PHLPP1: variants seen among roughly 807,000 people sequenced by gnomAD.
The protein encoded by PHLPP1 is PH domain leucine-rich repeat-containing protein phosphatase 1.
A neutral mutation model predicts 117.2 loss-of-function variants in PHLPP1; 42 were observed. The observed-to-expected ratio is 0.36, with a 90% CI of 0.28 to 0.46. The LOEUF (loss-of-function observed/expected upper bound fraction) is 0.46. Ranked by LOEUF, PHLPP1 falls within the 20% of genes least tolerant of loss-of-function variation. The pLI is 1.00. For synonymous variants in PHLPP1, 1,042 were observed against 970.7 expected (o/e 1.07, Z -1.37); for missense variants, 2,084 against 2,241.9 (o/e 0.93, Z 1.42).
At chr18:62,900,429 CTTTCTTTTTTTTT>C (rs1309084942) in intron 6 of PHLPP1, among the ~76,000 whole-genome samples, 1 of 95,854 alleles carries the variant, frequency 1.0e-5, no homozygotes, top group Non-Finnish European at 2.1e-5. Flanking sequence ...TTTTCTTTTT[CTTTCTTTTTTTTT>C]TTTTTTTTTT....
At chr18:62,750,808 C>T (rs2144235757) in intron 1 of PHLPP1, among the ~76,000 whole-genome samples, 1 of 151,798 alleles carries the variant, frequency 6.6e-6, no homozygotes, top group Non-Finnish European at 1.5e-5. Flanking sequence ...AAACTCCCTG[C>T]TTTATTAAGG....
At chr18:62,766,076 AAT>A (rs60058262) in intron 1 of PHLPP1, among the ~76,000 whole-genome samples, 3,347 of 21,624 alleles carry the variant, frequency 0.15, 583 homozygotes, top group Middle Eastern at 0.23. Context: ...AAAAAAAAAA[AAT>A]ATATATATAT....
intron 1 of PHLPP1, among the ~76,000 whole-genome samples, chr18:62,767,538 G>A (rs900695045): frequency 2.0e-5 from 3 of 152,174 alleles, no homozygotes; most frequent in Non-Finnish European, 4.4e-5. Context: ...GTTTTTGAGC[G>A]CTTTAAATGA....
At chr18:62,766,391 G>A (rs1409458473) in intron 1 of PHLPP1, among the ~76,000 whole-genome samples, 1 of 151,758 alleles carries the variant, frequency 6.6e-6, no homozygotes, top group African/African-American at 2.4e-5. Flanking sequence ...CTTCCCTAGG[G>A]GAGGAGAAGT....
At chr18:62,760,141 G>T (rs1335060422) in intron 1 of PHLPP1, among the ~76,000 whole-genome samples, 1 of 152,164 alleles carries the variant, frequency 6.6e-6, no homozygotes, top group Non-Finnish European at 1.5e-5. Context: ...TCAGTGGTGT[G>T]TTTAATTTTT....
chr18:62,895,370 G>A (rs74418352), intron 5 of PHLPP1, among the ~76,000 whole-genome samples: 1,811 of 152,320 alleles, frequency 0.012, 15 homozygotes, highest in Middle Eastern at 0.037. Flanking sequence ...TTCTTGTTTA[G>A]AACTGAAGAT....
At chr18:62,843,453 G>C (rs1915103319) in intron 3 of PHLPP1, among the ~76,000 whole-genome samples, 1 of 151,998 alleles carries the variant, frequency 6.6e-6, no homozygotes, top group African/African-American at 2.4e-5. Flanking sequence ...TTTGATTTTG[G>C]GAAAATTTAT....
intron 3 of PHLPP1, among the ~76,000 whole-genome samples, chr18:62,855,885 G>A (rs1568139345): frequency 6.6e-6 from 1 of 152,198 alleles, no homozygotes; most frequent in Non-Finnish European, 1.5e-5. Flanking sequence ...GAGGTATAAG[G>A]TCGTCTTCTG....
chr18:62,849,874 G>A (rs1472425004), intron 3 of PHLPP1, among the ~76,000 whole-genome samples: 2 of 125,842 alleles, frequency 1.6e-5, no homozygotes, highest in Non-Finnish European at 3.2e-5. Flanking sequence ...TACGTACTTA[G>A]GATTTTTTGA....
intron 12 of PHLPP1, among the ~76,000 whole-genome samples, chr18:62,956,358 C>A (rs1324612087): frequency 6.6e-6 from 1 of 152,166 alleles, no homozygotes; most frequent in Non-Finnish European, 1.5e-5. Flanking sequence ...TTTTATAAGG[C>A]CACTAATCCC....
At chr18:62,976,966 C>T (rs1259380352) in intron 16 of PHLPP1, among the ~76,000 whole-genome samples, 3 of 152,180 alleles carry the variant, frequency 2.0e-5, no homozygotes, top group East Asian at 3.9e-4. Flanking sequence ...ATGGTGGAAG[C>T]TTCATTGCTC....
At chr18:62,900,600 G>A (rs1049919733) in intron 6 of PHLPP1, among the ~76,000 whole-genome samples, 1 of 151,280 alleles carries the variant, frequency 6.6e-6, no homozygotes, top group Non-Finnish European at 1.5e-5. Context: ...CAAATAGCTG[G>A]GAGTATAGGC....
rs182243606 is a variant in PHLPP1, at chr18:62,915,068, T to C, written c.2804+60T>C. 3,653 of 1,223,358 alleles carry C rather than the reference T, an allele frequency of 3.0e-3. 6 individuals carry two copies. The highest frequency in any genetic ancestry group is 3.9e-3 in the Non-Finnish European group (3,323 of 844,672). The allele number at this position is 1,223,358 out of a possible 1,614,324, so 75.8% of individuals were successfully genotyped here. A position where few individuals can be genotyped will look rare whatever the true frequency, so the allele number is the denominator to read the frequency against. On this transcript the variant is annotated intron_variant, in intron 9 of 16. Coordinates refer to ENST00000262719, the MANE Select transcript of PHLPP1 (RefSeq NM_194449.4). ...ATAAATGAGCAATTTTAAAAATTGC[T>C]GATTCAGTGTTTAACTTGGTATCAT...
At chr18:62,765,312 T>C (rs1180139956) in intron 1 of PHLPP1, among the ~76,000 whole-genome samples, 1 of 152,230 alleles carries the variant, frequency 6.6e-6, no homozygotes, top group African/African-American at 2.4e-5. Flanking sequence ...CAGAGTTCTC[T>C]TTCTTAAAGT....
intron 1 of PHLPP1, among the ~76,000 whole-genome samples, chr18:62,757,995 A>G (rs1187015290): frequency 6.6e-6 from 1 of 152,204 alleles, no homozygotes. Flanking sequence ...TAGTTTAGGG[A>G]CACTTTTAAA....
chr18:62,875,037 T>C (rs1599096644), intron 4 of PHLPP1, among the ~76,000 whole-genome samples: 1 of 152,142 alleles, frequency 6.6e-6, no homozygotes, highest in Non-Finnish European at 1.5e-5. Flanking sequence ...TCACTGCAAC[T>C]TCCGCCTCCC....
rs951059377 is a variant in PHLPP1, at chr18:62,786,579, C to T, written c.1577-43456C>T. 3.3e-5 allele frequency among the ~76,000 whole-genome samples: 5 copies of T among 152,168 alleles called. No homozygotes were observed. In the East Asian group the frequency reaches 5.8e-4, roughly 18 times the overall value. ...TGCAACAAACTTTTCATTTAAACAT[C>T]TGATTTTCTTGATCAATATTAAGGA... On this transcript the variant is annotated intron_variant, in intron 1 of 16. Coordinates refer to ENST00000262719, the MANE Select transcript of PHLPP1 (RefSeq NM_194449.4).
intron 3 of PHLPP1, among the ~76,000 whole-genome samples, chr18:62,841,784 C>G (rs1023809529): frequency 1.8e-4 from 28 of 152,108 alleles, no homozygotes; most frequent in Non-Finnish European, 5.9e-5. Flanking sequence ...ATAAGTGGAG[C>G]TTAGTATTTC....
intron 1 of PHLPP1, among the ~76,000 whole-genome samples, chr18:62,752,490 C>G (rs537644351): frequency 4.1e-4 from 63 of 152,298 alleles, no homozygotes; most frequent in African/African-American, 1.5e-3. Flanking sequence ...TATCTCCAGT[C>G]TTTTCAAATA....
Sources: gnomAD v4.1 joint callset for allele counts (sites outside exome capture counted in the v4.1 genomes callset) on GRCh38, gnomAD v4.1.1 for gene constraint, MANE v1.5 for transcripts, NCBI Gene and HGNC (gene_info 2026-07-23, HGNC 2026-07-21) for gene names.